The following PRRX1 variants were observed in gnomAD, a reference collection of about 807,000 sequenced individuals.
PRRX1 encodes paired related homeobox 1.
PRRX1 carries 8 observed loss-of-function variants against 24.0 expected under a neutral mutation model. That is an observed-to-expected ratio of 0.33 (90% CI 0.20 to 0.60). The LOEUF is 0.60. Among genes scored for constraint, PRRX1 ranks in the 20% least tolerant of loss-of-function variants. PRRX1 has a pLI of 0.82. For missense variants in PRRX1, 281 were observed against 322.4 expected, an observed-to-expected ratio of 0.87 and a Z score of 0.98; for synonymous variants, 160 against 131.7, an observed-to-expected ratio of 1.22 and a Z score of -1.47.
chr1:170,708,519 G>A (rs976474867), intron 1 of PRRX1, among the ~76,000 whole-genome samples: 4 of 152,036 alleles, frequency 2.6e-5, no homozygotes, highest in African/African-American at 7.2e-5. Context: ...CAGAAAACAC[G>A]GTGACTGGAA....
chr1:170,733,225 C>T (rs918870794), intron 3 of PRRX1, among the ~76,000 whole-genome samples: 18 of 152,042 alleles, frequency 1.2e-4, no homozygotes, highest in East Asian at 3.9e-4. Flanking sequence ...ACAGCAAAAA[C>T]GGTTATGCAA....
In PRRX1 at chr1:170,737,953, G is replaced by A. The variant is rs969610517; in HGVS notation, c.*1767G>A. On this transcript the variant is annotated 3_prime_UTR_variant, in exon 4 of 4. Transcript: ENST00000239461. ...TAATGGAATGATACGGTACCTGAAA[G>A]CCTTGTTTTCTAGTAAGAAAATGCT... The A allele has an allele frequency of 1.2e-4, 27 of 217,704 alleles. 1 individual carries two copies. In the South Asian group the frequency reaches 3.5e-3, roughly 28 times the overall value. 13.5% of individuals were successfully genotyped at this position (217,704 alleles called of 1,614,324 possible).
intron 1 of PRRX1, among the ~76,000 whole-genome samples, chr1:170,689,814 G>GTCTTTCTCTCTCTC (rs1653868461): frequency 1.9e-5 from 2 of 108,062 alleles, no homozygotes; most frequent in Non-Finnish European, 3.8e-5. Flanking sequence ...TTAATATTCC[G>GTCTTTCTCTCTCTC]TCTCTCTCTC....
At chr1:170,672,612 A>G (rs1653178785) in intron 1 of PRRX1, among the ~76,000 whole-genome samples, 3 of 152,202 alleles carry the variant, frequency 2.0e-5, no homozygotes, top group African/African-American at 2.4e-5. Context: ...GGGATGCCAA[A>G]TCTTTTCAAA....
In PRRX1 at chr1:170,664,267, G is replaced by A. The variant is rs370044964; in HGVS notation, c.49G>A (p.Gly17Ser). ...TCTGGAGCGGCAACCGGCGCTGGGC[G>A]GCCGCTTGGACAGCCCGGGCAACCT... ...HVLERQPALGGRLDSPGNLDT... is the reference protein window; with the variant it reads ...HVLERQPALGSRLDSPGNLDT... Residue 17 changes from glycine to serine, a missense_variant, in exon 1 of 4, where the codon GGC becomes AGC. Gly to Ser is a moderately conservative substitution (Grantham distance 56, BLOSUM62 0). Coordinates refer to ENST00000239461, the MANE Select transcript of PRRX1 (RefSeq NM_022716.4). 1.4e-4 allele frequency: 233 copies of A among 1,612,794 alleles called. No individual in the cohort carries two copies. The highest frequency in any genetic ancestry group is 1.8e-4 in the Non-Finnish European group (209 of 1,179,648).
intron 1 of PRRX1, among the ~76,000 whole-genome samples, chr1:170,691,504 T>TCCTTTCCTTC: frequency 7.0e-6 from 1 of 143,734 alleles, no homozygotes; most frequent in Non-Finnish European, 1.5e-5. Context: ...TCCTTTCCTT[T>TCCTTTCCTTC]CCTTTCCTTC....
chr1:170,716,350 C>T (rs926947335), intron 1 of PRRX1, among the ~76,000 whole-genome samples: 1 of 152,110 alleles, frequency 6.6e-6, no homozygotes, highest in Non-Finnish European at 1.5e-5. Flanking sequence ...TTTGGGAGGC[C>T]GAGGCAGGTG....
intron 1 of PRRX1, among the ~76,000 whole-genome samples, chr1:170,671,728 C>T (rs1342919021): frequency 6.6e-6 from 1 of 152,170 alleles, no homozygotes; most frequent in Non-Finnish European, 1.5e-5. Context: ...GCCTGCCTCT[C>T]CTCCTTTCAA....
At chr1:170,668,124 G>A (rs1366895858) in intron 1 of PRRX1, 1 of 152,178 alleles carries the variant, frequency 6.6e-6, no homozygotes, top group East Asian at 1.9e-4. Context: ...TACATTAAGT[G>A]TTCAAAGAAA....
At chr1:170,703,641 A>G (rs1376062590) in intron 1 of PRRX1, among the ~76,000 whole-genome samples, 1 of 151,578 alleles carries the variant, frequency 6.6e-6, no homozygotes, top group Non-Finnish European at 1.5e-5. Context: ...ACAACTCTTT[A>G]AAGCATTTAG....
In PRRX1 at chr1:170,728,938, G is replaced by C. The variant is rs376215449; in HGVS notation, c.599+2537G>C. 5 of 152,320 alleles carry C rather than the reference G, an allele frequency of 3.3e-5. No homozygotes were observed. The South Asian group carries it at 6.2e-4, about 19-fold the overall frequency. The allele number at this position is 152,320 out of a possible 1,614,324, so 9.4% of individuals were successfully genotyped here. On this transcript the variant is annotated intron_variant, in intron 3 of 3. Coordinates refer to ENST00000239461, the MANE Select transcript of PRRX1 (RefSeq NM_022716.4). ...TTGTGTTATGAAAAATTAACTCACT[G>C]TTCTTGTTGGTACTATTATGTCAAG...
chr1:170,738,407 T>A lies in PRRX1; in HGVS notation c.*2221T>A, dbSNP rs978055449. On this transcript the variant is annotated 3_prime_UTR_variant, in exon 4 of 4. Coordinates refer to ENST00000239461, the MANE Select transcript of PRRX1 (RefSeq NM_022716.4). The stretch of plus-strand genomic sequence containing the variant: ...ATACATTTTGCTTTCACCAATTGAT[T>A]CCTTCTTCTTTTAGCCCACTATTAA... 4.4e-6 allele frequency: 1 copy of A among 226,682 alleles called. No individual in the cohort carries two copies. The highest frequency in any genetic ancestry group is 2.2e-5 in the African/African-American group (1 of 44,960). 14.0% of individuals were successfully genotyped at this position (226,682 alleles called of 1,614,324 possible). A position where few individuals can be genotyped will look rare whatever the true frequency, so the allele number is the denominator to read the frequency against.
In PRRX1 at chr1:170,736,235, A is replaced by T; in HGVS notation, c.*49A>T. ...CTAAGAAGAAATCAAAAACCATAAG[A>T]CACCTATCCTGCTCTGTTATTTCTT... is the stretch of plus-strand genomic sequence containing the variant. On this transcript the variant is annotated 3_prime_UTR_variant, in exon 4 of 4. Transcript: ENST00000239461. 1 of 1,605,378 alleles carries T rather than the reference A, an allele frequency of 6.2e-7. No individual in the cohort carries two copies. Among genetic ancestry groups the T allele is most frequent in the South Asian group, 1.1e-5 (1 of 90,794 alleles).
chr1:170,700,738 C>T lies in PRRX1; in HGVS notation c.242-18988C>T, dbSNP rs1654326049. On this transcript the variant is annotated intron_variant, in intron 1 of 3. Transcript: ENST00000239461. ...CTGGAGACAAAACTGCCCTTATCAC[C>T]CACTTTGCTGCTGAAAACCCGTTAC... Among the ~76,000 whole-genome samples the T allele has an allele frequency of 2.0e-5, 3 of 152,266 alleles. No homozygotes were observed. The South Asian group carries it at 6.2e-4, about 32-fold the overall frequency.
chr1:170,666,848 G>A (rs1324256808), intron 1 of PRRX1, among the ~76,000 whole-genome samples: 9 of 152,050 alleles, frequency 5.9e-5, no homozygotes, highest in Non-Finnish European at 1.3e-4. Context: ...GTATGGAGCC[G>A]GGCTGGCCAG....
intron 1 of PRRX1, among the ~76,000 whole-genome samples, chr1:170,670,470 A>G (rs528796559): frequency 1.3e-5 from 2 of 152,182 alleles, no homozygotes; most frequent in Non-Finnish European, 2.9e-5. Context: ...AGAAACAGTC[A>G]TTAGTGGTTC....
At chr1:170,735,646 C>A (rs1018185082) in intron 3 of PRRX1, among the ~76,000 whole-genome samples, 2 of 152,142 alleles carry the variant, frequency 1.3e-5, no homozygotes, top group African/African-American at 2.4e-5. Flanking sequence ...ATGCTTGTTT[C>A]TATTCCCCAC....
intron 1 of PRRX1, among the ~76,000 whole-genome samples, chr1:170,683,972 T>C (rs575407567): frequency 2.0e-5 from 3 of 152,312 alleles, no homozygotes; most frequent in South Asian, 4.1e-4. Context: ...AGTTTTTTGA[T>C]TAACAAGTAT....
intron 3 of PRRX1, among the ~76,000 whole-genome samples, chr1:170,729,678 AC>A (rs1329843723): frequency 6.6e-6 from 1 of 152,168 alleles, no homozygotes; most frequent in African/African-American, 2.4e-5. Flanking sequence ...GCTTGTCATG[AC>A]CTCACTCATT....
Sources: allele counts gnomAD v4.1 joint callset (sites outside exome capture counted in the v4.1 genomes callset), GRCh38; gene constraint gnomAD v4.1.1; transcripts MANE v1.5; gene names NCBI Gene and HGNC (gene_info 2026-07-23, HGNC 2026-07-21).